DOCK3: variants seen among roughly 807,000 people sequenced by gnomAD.
DOCK3 encodes dedicator of cytokinesis 3.
Under a neutral mutation model 265.6 loss-of-function variants are expected in DOCK3, and 60 were observed. The ratio of observed to expected loss-of-function variants is 0.23; its 90% CI spans 0.18 to 0.28. DOCK3 has a LOEUF of 0.28. Among genes scored for constraint, DOCK3 ranks in the 10% least tolerant of loss-of-function variants. The pLI is 1.00. For synonymous variants in DOCK3, 881 were observed against 938.0 expected (o/e 0.94, Z 1.11); for missense variants, 1,981 against 2,594.3 (o/e 0.76, Z 5.14).
intron 52 of DOCK3, 118 bp downstream of exon 52, chr3:51,380,325 G>C: frequency 1.0e-6 from 1 of 988,294 alleles, no homozygotes; most frequent in Non-Finnish European, 1.5e-6. Flanking sequence ...TCTCTCCCCA[G>C]CCTGGCAGAA....
At chr3:50,797,789 T>G (rs1018515751) in intron 2 of DOCK3, among the ~76,000 whole-genome samples, 1 of 152,244 alleles carries the variant, frequency 6.6e-6, no homozygotes, top group Non-Finnish European at 1.5e-5. Flanking sequence ...GTTGAGCATT[T>G]TTTCATACAT....
chr3:51,196,196 A>G (rs965568259), intron 12 of DOCK3, among the ~76,000 whole-genome samples: 1 of 151,888 alleles, frequency 6.6e-6, no homozygotes, highest in African/African-American at 2.4e-5. Context: ...TCAGCCTCCC[A>G]AAGTGCTGTG....
intron 5 of DOCK3, among the ~76,000 whole-genome samples, chr3:50,970,864 G>T (rs1242422219): frequency 2.1e-5 from 2 of 95,636 alleles, no homozygotes; most frequent in Non-Finnish European, 1.9e-5. Flanking sequence ...GGGACTACAG[G>T]CACATACTAC....
At chr3:51,048,467 G>A (rs1360236885) in intron 5 of DOCK3, among the ~76,000 whole-genome samples, 1 of 152,108 alleles carries the variant, frequency 6.6e-6, no homozygotes. Context: ...TTGGAGATGG[G>A]ACCCCAAGAA....
intron 14 of DOCK3, among the ~76,000 whole-genome samples, chr3:51,214,731 A>G (rs2089688116): frequency 6.6e-6 from 1 of 152,230 alleles, no homozygotes; most frequent in Non-Finnish European, 1.5e-5. Flanking sequence ...TCAGGCAAAT[A>G]GTATAAATTA....
At chr3:50,826,869 A>G (rs2044788256) in intron 2 of DOCK3, among the ~76,000 whole-genome samples, 1 of 152,168 alleles carries the variant, frequency 6.6e-6, no homozygotes, top group African/African-American at 2.4e-5. Context: ...AGAAGATACA[A>G]TTAGGGATCA....
intron 49 of DOCK3, among the ~76,000 whole-genome samples, chr3:51,364,389 C>T (rs2086974403): frequency 6.6e-6 from 1 of 152,102 alleles, no homozygotes; most frequent in African/African-American, 2.4e-5. Flanking sequence ...TGGATACTAG[C>T]CTTTTGTCAG....
intron 3 of DOCK3, among the ~76,000 whole-genome samples, chr3:50,847,532 A>G (rs1040362069): frequency 6.6e-6 from 1 of 152,136 alleles, no homozygotes; most frequent in Admixed American, 6.5e-5. Flanking sequence ...GTTTAAATCC[A>G]GATGTTATTT....
At chr3:50,796,391 T>G (rs2042785253) in intron 2 of DOCK3, among the ~76,000 whole-genome samples, 1 of 150,186 alleles carries the variant, frequency 6.7e-6, no homozygotes, top group Non-Finnish European at 1.5e-5. Context: ...CAGGCTGGGG[T>G]GCAATGGTGC....
chr3:50,769,847 A>C (rs2108461697), intron 1 of DOCK3, among the ~76,000 whole-genome samples: 1 of 151,962 alleles, frequency 6.6e-6, no homozygotes, highest in African/African-American at 2.4e-5. Flanking sequence ...TAGCCAGAGC[A>C]ATTAGGCAAG....
chr3:51,062,964 A>G (rs1575936050), intron 5 of DOCK3, among the ~76,000 whole-genome samples: 2 of 152,316 alleles, frequency 1.3e-5, no homozygotes, highest in South Asian at 2.1e-4. Flanking sequence ...TTTTTCCAGC[A>G]TTGTGTACCA....
chr3:51,262,869 A>G (rs570759418), intron 23 of DOCK3, among the ~76,000 whole-genome samples: 1 of 152,216 alleles, frequency 6.6e-6, no homozygotes, highest in South Asian at 2.1e-4. Flanking sequence ...AAGATTAGAG[A>G]AAAAAGAATG....
chr3:50,930,893 G>A (rs1309735539), intron 4 of DOCK3, among the ~76,000 whole-genome samples: 1 of 152,178 alleles, frequency 6.6e-6, no homozygotes, highest in African/African-American at 2.4e-5. Flanking sequence ...TTCCCCCGAA[G>A]CGTGGCCCCA....
intron 5 of DOCK3, among the ~76,000 whole-genome samples, chr3:50,942,000 CAT>C (rs1373808069): frequency 2.0e-5 from 3 of 152,150 alleles, no homozygotes; most frequent in South Asian, 4.1e-4. Flanking sequence ...TGAATTTACA[CAT>C]GTGGTTTCTT....
At chr3:50,709,708 C>T (rs893295091) in intron 1 of DOCK3, among the ~76,000 whole-genome samples, 1 of 152,086 alleles carries the variant, frequency 6.6e-6, no homozygotes, top group Admixed American at 6.5e-5. Context: ...TGCCTGTAAT[C>T]CCAGCTACTT....
intron 1 of DOCK3, among the ~76,000 whole-genome samples, chr3:50,732,158 A>G (rs1404895027): frequency 2.0e-5 from 3 of 152,098 alleles, no homozygotes; most frequent in African/African-American, 7.2e-5. Flanking sequence ...ACCAAACACC[A>G]CATATATATT....
chr3:51,183,705 C>T (rs1047175339), intron 12 of DOCK3, among the ~76,000 whole-genome samples: 4 of 151,892 alleles, frequency 2.6e-5, no homozygotes, highest in Non-Finnish European at 4.4e-5. Flanking sequence ...GAATTAAACA[C>T]GAAGGAGCAG....
Position 51,310,279 on chromosome 3 carries a change from G to A in DOCK3, c.2970G>A (p.Met990Ile). ...IFCVFRNLMK[M>I]SVFPRDWMVM... The stretch of plus-strand genomic sequence containing the variant: ...GCGTGTTCCGGAACCTGATGAAGAT[G>A]AGTGTCTTCCCTCGGGACTGGATGG... The change falls in exon 28 of 53, where the codon ATG becomes ATA. Residue 990 changes from methionine to isoleucine, a missense_variant. By Grantham distance (10) the Met-to-Ile change is conservative (BLOSUM62 1). This residue lies in a region of DOCK3 where 1,357 missense variants were observed against 1,866.8 expected (regional missense o/e 0.73). Transcript: ENST00000266037. The A allele has an allele frequency of 6.2e-7, 1 of 1,606,676 alleles. No homozygotes were observed. The highest frequency in any genetic ancestry group is 1.7e-4 in the Middle Eastern group (1 of 6,056).
chr3:50,918,330 G>T (rs558620408), intron 4 of DOCK3, among the ~76,000 whole-genome samples: 4 of 152,106 alleles, frequency 2.6e-5, no homozygotes, highest in African/African-American at 4.8e-5. Flanking sequence ...TTGAGGAATC[G>T]CCACACTGTC....
Sources: gnomAD v4.1 joint callset for allele counts (sites outside exome capture counted in the v4.1 genomes callset) on GRCh38, gnomAD v4.1.1 for gene constraint, gnomAD v4.1.1 regional missense constraint, MANE v1.5 for transcripts, NCBI Gene and HGNC (gene_info 2026-07-23, HGNC 2026-07-21) for gene names.